Variants in AATF observed in about 807,000 individuals in gnomAD.
AATF encodes the protein apoptosis antagonizing transcription factor, also known as protein AATF.
A neutral mutation model predicts 63.7 loss-of-function variants in AATF; 48 were observed. The observed-to-expected ratio is 0.75, with a 90% confidence interval of 0.60 to 0.96. The LOEUF is 0.96. Ranked by LOEUF, AATF falls within the 40% of genes least tolerant of loss-of-function variation. The probability of loss-of-function intolerance (pLI) is 0.00; values close to 1 mark genes in which losing one functional copy is unlikely to be tolerated. For synonymous variants in AATF, 258 were observed against 247.7 expected (o/e 1.04, Z -0.39); for missense variants, 639 against 685.7 (o/e 0.93, Z 0.76).
chr17:36,960,463 C>T (rs371200178), intron 4 of AATF, among the ~76,000 whole-genome samples: 1 of 152,168 alleles, frequency 6.6e-6, no homozygotes, highest in Non-Finnish European at 1.5e-5. Flanking sequence ...GCAGTACATT[C>T]ACATAGTTCA....
At chr17:36,960,099 T>C (rs9972966) in intron 4 of AATF, among the ~76,000 whole-genome samples, 111,513 of 151,738 alleles carry the variant, frequency 0.73, 42,150 homozygotes, top group African/African-American at 0.88. Context: ...CTGCAACCTC[T>C]GCCTCCCGGG....
At chr17:37,037,310 T>C (rs185395187) in intron 11 of AATF, among the ~76,000 whole-genome samples, 2 of 152,294 alleles carry the variant, frequency 1.3e-5, no homozygotes, top group Non-Finnish European at 2.9e-5. Flanking sequence ...CCACCATACC[T>C]GGCTGACAGC....
chr17:36,991,686 C>T (rs1462695361), intron 8 of AATF, among the ~76,000 whole-genome samples: 6 of 151,690 alleles, frequency 4.0e-5, no homozygotes, highest in South Asian at 4.2e-4. Flanking sequence ...TCTGGGTTCA[C>T]GCCATTCTCC....
At chr17:37,029,489 C>A (rs1198845929) in intron 10 of AATF, among the ~76,000 whole-genome samples, 4 of 151,928 alleles carry the variant, frequency 2.6e-5, no homozygotes, top group Non-Finnish European at 5.9e-5. Flanking sequence ...CTCAGGTGAT[C>A]CACCCGCCTC....
At chr17:36,975,425 C>T (rs1014288076) in intron 4 of AATF, among the ~76,000 whole-genome samples, 2 of 152,120 alleles carry the variant, frequency 1.3e-5, no homozygotes, top group Admixed American at 6.6e-5. Context: ...ATACTGTATG[C>T]GTACTTCATA....
intron 7 of AATF, among the ~76,000 whole-genome samples, chr17:36,990,054 CT>C (rs1229150177): frequency 5.8e-5 from 7 of 120,472 alleles, no homozygotes; most frequent in South Asian, 4.9e-4. Context: ...GTTTTTGGGT[CT>C]TTTCTATTTG....
intron 8 of AATF, among the ~76,000 whole-genome samples, chr17:37,018,145 A>G (rs2071441884): frequency 6.6e-6 from 1 of 152,200 alleles, no homozygotes; most frequent in Non-Finnish European, 1.5e-5. Context: ...CTATTATCGT[A>G]ATTCAGGGTT....
intron 11 of AATF, among the ~76,000 whole-genome samples, chr17:37,054,164 T>C (rs1034390998): frequency 6.8e-6 from 1 of 146,888 alleles, no homozygotes; most frequent in African/African-American, 2.5e-5. Context: ...CGCTGGAATC[T>C]ACAGTGGGGG....
rs1361107271 is a variant in AATF at position 37,021,662 on chromosome 17, G to A, written c.1547+648G>A. ...TAATAATAAATACAAAAAATTAGCC[G>A]GGCGTAGTGGCGGGCGCCTGTAGTC... is the stretch of plus-strand genomic sequence containing the variant. On this transcript the variant is annotated intron_variant, in intron 10 of 11. Coordinates refer to ENST00000619387, the MANE Select transcript of AATF (RefSeq NM_012138.4). Among the ~76,000 whole-genome samples, 8 of 82,924 alleles carry A rather than the reference G, an allele frequency of 9.6e-5. 2 individuals are homozygous for A. The highest frequency in any genetic ancestry group is 6.0e-4 in the African/African-American group (4 of 6,692). 54.4% of individuals were successfully genotyped at this position (82,924 alleles called of 152,430 possible).
intron 8 of AATF, among the ~76,000 whole-genome samples, chr17:36,994,425 T>G (rs993862944): frequency 3.9e-5 from 6 of 152,240 alleles, no homozygotes; most frequent in Non-Finnish European, 8.8e-5. Context: ...AAAAATTAGC[T>G]TTATAGTTTT....
At position 37,021,028 on chromosome 17, in the gene AATF, C is replaced by T. The variant is rs921521107; in HGVS notation, c.1547+14C>T. 8.8e-6 allele frequency: 14 copies of T among 1,598,256 alleles called. No individual in the cohort carries two copies. The highest frequency in any genetic ancestry group is 2.7e-5 in the African/African-American group (2 of 74,124). On this transcript the variant is annotated intron_variant, in intron 10 of 11. Coordinates refer to ENST00000619387, the MANE Select transcript of AATF (RefSeq NM_012138.4). ...CAGGAAACTTCGGTGAGTTACTTTT[C>T]GGAAAAAATGTCAACATATATTGTA...
intron 4 of AATF, among the ~76,000 whole-genome samples, chr17:36,965,452 C>T (rs1466065064): frequency 6.6e-6 from 1 of 152,206 alleles, no homozygotes; most frequent in Non-Finnish European, 1.5e-5. Context: ...CCAGGATAAT[C>T]TCAAGATCCT....
chr17:36,955,936 C>CT, intron 4 of AATF, among the ~76,000 whole-genome samples: 1 of 151,838 alleles, frequency 6.6e-6, no homozygotes, highest in Admixed American at 6.6e-5. Flanking sequence ...CTAATTTTTT[C>CT]TTTTTTTGTG....
chr17:37,016,484 T>C (rs2071429484), intron 8 of AATF, among the ~76,000 whole-genome samples: 2 of 152,188 alleles, frequency 1.3e-5, no homozygotes, highest in Admixed American at 1.3e-4. Context: ...CCGAATTGAT[T>C]ATCTGGAGGA....
intron 10 of AATF, among the ~76,000 whole-genome samples, chr17:37,026,268 AATT>A (rs901001605): frequency 2.5e-4 from 38 of 152,238 alleles, no homozygotes; most frequent in Admixed American, 3.9e-4. Flanking sequence ...AGAAGCCCAA[AATT>A]ATTACAGAAC....
At chr17:36,956,173 A>G (rs561544719) in intron 4 of AATF, among the ~76,000 whole-genome samples, 73 of 152,250 alleles carry the variant, frequency 4.8e-4, no homozygotes, top group African/African-American at 1.5e-3. Context: ...ATGAACCTCA[A>G]TTAATCTGAC....
chr17:36,989,553 G>A, intron 7 of AATF, 142 bp downstream of exon 7: 1 of 846,082 alleles, frequency 1.2e-6, no homozygotes, highest in South Asian at 3.6e-5. Flanking sequence ...ATTACTGAGA[G>A]AAACTTGAGT....
chr17:37,029,404 C>T (rs536511510), intron 10 of AATF, among the ~76,000 whole-genome samples: 11 of 151,170 alleles, frequency 7.3e-5, no homozygotes, highest in South Asian at 4.2e-4. Flanking sequence ...CCACCACGCC[C>T]GGCTAATTTT....
chr17:37,053,575 T>A (rs2071771920), intron 11 of AATF, among the ~76,000 whole-genome samples: 1 of 152,094 alleles, frequency 6.6e-6, no homozygotes, highest in Non-Finnish European at 1.5e-5. Context: ...TGCTATAAAA[T>A]GTCCAAGTTA....
Sources: allele counts gnomAD v4.1 joint callset (sites outside exome capture counted in the v4.1 genomes callset), GRCh38; gene constraint gnomAD v4.1.1; transcripts MANE v1.5; gene names NCBI Gene and HGNC (gene_info 2026-07-23, HGNC 2026-07-21).